The following RBM6 variants were observed in gnomAD, a reference collection of about 807,000 sequenced individuals.
RBM6 encodes the protein RNA binding motif protein 6, also known as RNA-binding protein 6.
Under a neutral mutation model 140.4 loss-of-function variants are expected in RBM6, and 23 were observed. That is an observed-to-expected ratio of 0.16 (90% confidence interval 0.12 to 0.23). RBM6 has a LOEUF of 0.23. RBM6 is among the 10% of genes least tolerant of loss of function. The probability of loss-of-function intolerance (pLI) is 1.00; values close to 1 mark genes in which losing one functional copy is unlikely to be tolerated. For missense variants in RBM6, 1,139 were observed against 1,386.7 expected (o/e 0.82, Z 2.84); for synonymous variants, 439 against 475.6 (o/e 0.92, Z 1.00).
chr3:49,947,081 C>G (rs1054572206), intron 1 of RBM6, among the ~76,000 whole-genome samples: 1 of 106,036 alleles, frequency 9.4e-6, no homozygotes, highest in Admixed American at 1.1e-4. Flanking sequence ...ACTAAAAATA[C>G]AAAAAAAAAA....
chr3:50,026,669 T>C (rs1433439067), intron 6 of RBM6, among the ~76,000 whole-genome samples: 1 of 151,230 alleles, frequency 6.6e-6, no homozygotes. Context: ...TATAGGACTT[T>C]GGGAGGCCGA....
chr3:50,058,788 C>T (rs890489960), intron 10 of RBM6: 8 of 304,356 alleles, frequency 2.6e-5, no homozygotes, highest in South Asian at 4.9e-5. Flanking sequence ...TGGTGGCAGG[C>T]GCCTGTAGTC....
At chr3:49,991,918 C>CCTTATTTTAT (rs2085843430) in intron 5 of RBM6, among the ~76,000 whole-genome samples, 1 of 132,848 alleles carries the variant, frequency 7.5e-6, no homozygotes, top group African/African-American at 2.7e-5. Flanking sequence ...ATCCCAGAGC[C>CCTTATTTTAT]TTTATTTTAT....
chr3:50,062,342 A>G (rs1453157211), intron 15 of RBM6, among the ~76,000 whole-genome samples: 5 of 152,062 alleles, frequency 3.3e-5, no homozygotes, highest in African/African-American at 1.2e-4. Flanking sequence ...TGTCTCTACT[A>G]AAAATACAAA....
Position 50,061,998 on chromosome 3 carries a change from G to A in RBM6, c.2476G>A (p.Glu826Lys). 1 of 1,613,934 alleles carries A rather than the reference G, an allele frequency of 6.2e-7. No homozygotes were observed. The highest frequency in any genetic ancestry group is 8.5e-7 in the Non-Finnish European group (1 of 1,179,974). ...TGTGCCCCAGGATCCTGGATTACCT[G>A]AGGAAGAAGAGATCAAGGAAAAAAA... ...VYVPQDPGLP[E>K]EEEIKEKKPT... Residue 826 changes from glutamate to lysine, a missense_variant, in exon 15 of 21, where the codon GAG becomes AAG. Around this residue, in one of 9 missense-constraint regions of RBM6, gnomAD observed 163 missense variants for 182.8 expected, o/e 0.89. Transcript: ENST00000266022.
intron 1 of RBM6, among the ~76,000 whole-genome samples, chr3:49,954,799 C>T (rs1186745357): frequency 1.3e-5 from 2 of 151,424 alleles, no homozygotes; most frequent in Admixed American, 6.6e-5. Flanking sequence ...TACTCTGTCA[C>T]CCAGGCTGGA....
intron 6 of RBM6, among the ~76,000 whole-genome samples, chr3:50,022,623 C>G (rs1168124299): frequency 2.0e-5 from 3 of 152,122 alleles, no homozygotes; most frequent in Non-Finnish European, 4.4e-5. Flanking sequence ...AGCCACCGCA[C>G]CTGACAAATG....
intron 6 of RBM6, among the ~76,000 whole-genome samples, chr3:50,035,457 C>A (rs565990419): frequency 6.6e-6 from 1 of 151,898 alleles, no homozygotes; most frequent in Non-Finnish European, 1.5e-5. Flanking sequence ...CCGAGGTGGG[C>A]GGATCACGAG....
At chr3:49,956,950 C>T (rs192170342) in intron 1 of RBM6, among the ~76,000 whole-genome samples, 2 of 152,220 alleles carry the variant, frequency 1.3e-5, no homozygotes, top group Non-Finnish European at 1.5e-5. Flanking sequence ...CAGGCGTAAG[C>T]CACCAGGCCT....
intron 6 of RBM6, among the ~76,000 whole-genome samples, chr3:50,038,612 A>G (rs2088682988): frequency 6.6e-6 from 1 of 152,158 alleles, no homozygotes; most frequent in African/African-American, 2.4e-5. Flanking sequence ...CGGGCGGATC[A>G]TGAGGTCCGG....
At chr3:49,972,983 A>G (rs572821753) in intron 4 of RBM6, among the ~76,000 whole-genome samples, 1 of 151,830 alleles carries the variant, frequency 6.6e-6, no homozygotes, top group South Asian at 2.1e-4. Context: ...GGCACACACC[A>G]CCACGCCCAG....
At chr3:50,073,972 C>T (rs1204033921) in intron 19 of RBM6, among the ~76,000 whole-genome samples, 1 of 151,996 alleles carries the variant, frequency 6.6e-6, no homozygotes, top group Admixed American at 6.6e-5. Context: ...GCCTCAGCCT[C>T]CCCAGTAGCT....
chr3:50,028,305 A>G (rs1416794080), intron 6 of RBM6, among the ~76,000 whole-genome samples: 6 of 152,148 alleles, frequency 3.9e-5, no homozygotes, highest in African/African-American at 1.2e-4. Context: ...GTTAAGAAGT[A>G]TAGGGTAGTG....
At chr3:49,958,782 CTTT>C (rs35853185) in intron 1 of RBM6, among the ~76,000 whole-genome samples, 4 of 114,340 alleles carry the variant, frequency 3.5e-5, no homozygotes, top group African/African-American at 1.3e-4. Context: ...TGAAGAATTC[CTTT>C]TTTTTTTTTT....
intron 5 of RBM6, among the ~76,000 whole-genome samples, chr3:49,989,668 A>G (rs1024259065): frequency 6.6e-6 from 1 of 152,208 alleles, no homozygotes; most frequent in Admixed American, 6.5e-5. Flanking sequence ...TGCATATGCC[A>G]ACTCTAGAAA....
chr3:49,984,768 C>T (rs1345059820), intron 5 of RBM6, among the ~76,000 whole-genome samples: 1 of 152,162 alleles, frequency 6.6e-6, no homozygotes, highest in Non-Finnish European at 1.5e-5. Context: ...ACAGAAATCT[C>T]GGCAGTTGAT....
chr3:50,019,142 TCTC>T (rs1048694084), intron 6 of RBM6, among the ~76,000 whole-genome samples: 8 of 151,986 alleles, frequency 5.3e-5, no homozygotes, highest in African/African-American at 1.9e-4. Context: ...TTCAAGTTAT[TCTC>T]CTGCCTCAGC....
intron 5 of RBM6, among the ~76,000 whole-genome samples, chr3:49,995,879 A>G (rs919922567): frequency 2.6e-5 from 4 of 152,164 alleles, no homozygotes; most frequent in African/African-American, 9.7e-5. Context: ...TTTTCTGTGA[A>G]TTGTAAAATT....
chr3:49,999,577 G>GCC, intron 6 of RBM6, 64 bp downstream of exon 6: 1 of 1,314,840 alleles, frequency 7.6e-7, no homozygotes, highest in Non-Finnish European at 1.1e-6. Context: ...GGGGAGGGAG[G>GCC]GTTTCAAATG....
Sources: gnomAD v4.1 joint callset for allele counts (sites outside exome capture counted in the v4.1 genomes callset) on GRCh38, gnomAD v4.1.1 for gene constraint, gnomAD v4.1.1 regional missense constraint, MANE v1.5 for transcripts, NCBI Gene and HGNC (gene_info 2026-07-23, HGNC 2026-07-21) for gene names.